Variants in ETV1 observed in about 807,000 individuals in gnomAD.
ETV1 encodes ETS variant transcription factor 1.
A neutral mutation model predicts 62.3 loss-of-function variants in ETV1; 27 were observed. That is an observed-to-expected ratio of 0.43 (90% CI 0.32 to 0.60). ETV1 has a LOEUF of 0.60. Among genes scored for constraint, ETV1 ranks in the 20% least tolerant of loss-of-function variants. The probability of loss-of-function intolerance (pLI) is 0.06; values close to 1 mark genes in which losing one functional copy is unlikely to be tolerated. For missense variants in ETV1, 605 were observed against 605.8 expected (o/e 1.00, Z 0.01); for synonymous variants, 222 against 199.6 (o/e 1.11, Z -0.94).
chr7:13,934,158 A>G (rs1477737230), intron 8 of ETV1, among the ~76,000 whole-genome samples: 1 of 152,158 alleles, frequency 6.6e-6, no homozygotes, highest in Non-Finnish European at 1.5e-5. Flanking sequence ...TTTCATCTGT[A>G]TTTACAAAAC....
chr7:13,896,958 T>C (rs1443226051), intron 13 of ETV1, among the ~76,000 whole-genome samples: 4 of 151,876 alleles, frequency 2.6e-5, no homozygotes, highest in Admixed American at 2.6e-4. Flanking sequence ...AAATACACAA[T>C]GCACAGGGAG....
intron 6 of ETV1, chr7:13,975,077 C>A (rs371393070): frequency 6.6e-6 from 1 of 152,178 alleles, no homozygotes; most frequent in East Asian, 1.9e-4. Flanking sequence ...TAGCCAGTAT[C>A]CAGACATGTC....
chr7:13,917,334 T>TTTA (rs1784293369), intron 9 of ETV1, among the ~76,000 whole-genome samples: 1 of 128,814 alleles, frequency 7.8e-6, no homozygotes, highest in Non-Finnish European at 1.7e-5. Context: ...TTATTTATTT[T>TTTA]GAGACGGAGT....
In ETV1 at chr7:13,931,590, G is replaced by C; in HGVS notation, c.714C>G (p.His238Gln). ...TGGCCGCACTGCCAACCATGGTGTT[G>C]TGTTCATACACTGGGTCGTGGTACT... ...KQEYHDPVYE[H>Q]NTMVGSAASQ... The change falls in exon 9 of 14, where the codon CAC becomes CAG. Residue 238 changes from histidine to glutamine, a missense_variant. Transcript: ENST00000430479. 2.5e-6 allele frequency: 4 copies of C among 1,614,082 alleles called. No individual in the cohort carries two copies. The highest frequency in any genetic ancestry group is 3.4e-6 in the Non-Finnish European group (4 of 1,179,912).
chr7:13,979,626 G>C (rs907975538), intron 5 of ETV1, among the ~76,000 whole-genome samples: 2 of 152,004 alleles, frequency 1.3e-5, no homozygotes, highest in African/African-American at 4.8e-5. Context: ...CATTGTTTTG[G>C]TTTTCCCTCA....
intron 10 of ETV1, 57 bp from the exon 11 acceptor site, chr7:13,909,757 T>G: frequency 7.3e-7 from 1 of 1,366,274 alleles, no homozygotes. Flanking sequence ...CACAAACACT[T>G]AAAATATAAC....
At chr7:13,931,456 G>C (rs757036639) in intron 9 of ETV1, 46 bp downstream of exon 9, 3 of 1,609,898 alleles carry the variant, frequency 1.9e-6, no homozygotes, top group Admixed American at 3.3e-5. Context: ...TGACAAGGGA[G>C]GTGAAAAAGT....
At position 13,891,573 on chromosome 7, in the gene ETV1, GT is replaced by G. The variant is rs34103922; in HGVS notation, c.*4292del. 0.046 allele frequency: 9,659 copies of G among 209,918 alleles called. 206 individuals carry two copies. Among genetic ancestry groups the G allele is most frequent in the Middle Eastern group, 0.06 (39 of 650 alleles). 13.0% of individuals were successfully genotyped at this position (209,918 alleles called of 1,614,324 possible). ...TCTTAAACTGTACTTTCCATAAACT[GT>G]TTTTTTTTTAAGTATGTCAAAGTGA... On this transcript the variant is annotated 3_prime_UTR_variant, in exon 14 of 14. Coordinates refer to ENST00000430479, the MANE Select transcript of ETV1 (RefSeq NM_004956.5).
chr7:13,961,991 G>C (rs889332930), intron 6 of ETV1, among the ~76,000 whole-genome samples: 2 of 151,968 alleles, frequency 1.3e-5, no homozygotes, highest in Non-Finnish European at 2.9e-5. Flanking sequence ...TTATTTATGA[G>C]TATGAAGAAA....
At chr7:13,971,330 T>G (rs1278799532) in intron 6 of ETV1, among the ~76,000 whole-genome samples, 3 of 152,230 alleles carry the variant, frequency 2.0e-5, no homozygotes, top group Non-Finnish European at 4.4e-5. Context: ...ATGATTTTCA[T>G]TTACTTAAAG....
intron 6 of ETV1, among the ~76,000 whole-genome samples, chr7:13,970,936 A>G (rs1780835970): frequency 6.6e-6 from 1 of 152,038 alleles, no homozygotes; most frequent in Non-Finnish European, 1.5e-5. Flanking sequence ...TTGAAAAAAA[A>G]AAGTCAAATG....
At position 13,989,644 on chromosome 7, in the gene ETV1, C is replaced by A; in HGVS notation, c.-366G>T. 2.5e-6 allele frequency: 1 copy of A among 399,046 alleles called. No homozygotes were observed. The highest frequency in any genetic ancestry group is 1.3e-4 in the South Asian group (1 of 7,836). 24.7% of individuals were successfully genotyped at this position (399,046 alleles called of 1,614,324 possible). A position where few individuals can be genotyped will look rare whatever the true frequency, so the allele number is the denominator to read the frequency against. Reference sequence around the variant, plus strand: ...CATTAATTATAGCCCAGCACTTCCCCCTTGGAAGCCGAAAGCGCCTCTGAC... The same window carrying A: ...CATTAATTATAGCCCAGCACTTCCCACTTGGAAGCCGAAAGCGCCTCTGAC... On this transcript the variant is annotated 5_prime_UTR_variant, in exon 1 of 14. Transcript: ENST00000430479.
intron 6 of ETV1, among the ~76,000 whole-genome samples, chr7:13,948,763 T>TA (rs1185929975): frequency 1.3e-5 from 2 of 152,008 alleles, no homozygotes; most frequent in South Asian, 2.1e-4. Context: ...TAGTCTATAA[T>TA]AAAAAAAGGA....
chr7:13,923,534 G>A (rs2282876), intron 9 of ETV1, among the ~76,000 whole-genome samples: 25,573 of 152,026 alleles, frequency 0.17, 2,585 homozygotes, highest in African/African-American at 0.29. Context: ...CAGTTTTAAC[G>A]TATTTAACAT....
At position 13,894,627 on chromosome 7, in the gene ETV1, C is replaced by T; in HGVS notation, c.*1239G>A. 4.3e-6 allele frequency: 1 copy of T among 232,454 alleles called. No homozygotes were observed. Among genetic ancestry groups the T allele is most frequent in the East Asian group, 6.1e-5 (1 of 16,312 alleles). The allele number at this position is 232,454 out of a possible 1,614,324, so 14.4% of individuals were successfully genotyped here. A position where few individuals can be genotyped will look rare whatever the true frequency, so the allele number is the denominator to read the frequency against. The stretch of plus-strand genomic sequence containing the variant: ...TGCTTATAGCATAGCATGGCGTAAG[C>T]TATTTTTTAAGCAATAAATGGTTTG... On this transcript the variant is annotated 3_prime_UTR_variant, in exon 14 of 14. Coordinates refer to ENST00000430479, the MANE Select transcript of ETV1 (RefSeq NM_004956.5).
rs1177230962 is a variant in ETV1 at position 13,895,880 on chromosome 7, C to A, written c.1420G>T (p.Gly474Cys). The part of the protein sequence containing the change: ...GCCNPHPYNE[G>C]YVY ...TGTCACTTGTGTTAATACACGTAGC[C>A]TTCGTTGTAGGGGTGGGGGTTGCAG... Residue 474 changes from glycine to cysteine, a missense_variant, in exon 14 of 14, where the codon GGC becomes TGC. Gly to Cys is a radical substitution (Grantham distance 159). This residue lies in a region of ETV1 where 79 missense variants were observed against 71.6 expected (regional missense o/e 1.10). Coordinates refer to ENST00000430479, the MANE Select transcript of ETV1 (RefSeq NM_004956.5). 2 of 1,613,210 alleles carry A rather than the reference C, an allele frequency of 1.2e-6. No homozygotes were observed.
chr7:13,898,865 G>C (rs532908381), intron 13 of ETV1, among the ~76,000 whole-genome samples: 1 of 152,196 alleles, frequency 6.6e-6, no homozygotes, highest in Non-Finnish European at 1.5e-5. Flanking sequence ...TGGGTGCAGT[G>C]ATGCAAACCT....
intron 13 of ETV1, among the ~76,000 whole-genome samples, chr7:13,899,892 GC>G (rs1198609180): frequency 3.3e-5 from 5 of 152,172 alleles, no homozygotes; most frequent in Non-Finnish European, 7.3e-5. Context: ...CCCCTTGGAG[GC>G]CAAGGCAGGC....
intron 5 of ETV1, among the ~76,000 whole-genome samples, chr7:13,983,013 T>A (rs901573364): frequency 9.2e-5 from 14 of 152,006 alleles, no homozygotes; most frequent in Non-Finnish European, 7.4e-5. Flanking sequence ...GACTGTTGTT[T>A]GAAGGTCACA....
Sources: allele counts gnomAD v4.1 joint callset (sites outside exome capture counted in the v4.1 genomes callset), GRCh38; gene constraint gnomAD v4.1.1; regional missense constraint gnomAD v4.1.1; transcripts MANE v1.5; gene names NCBI Gene and HGNC (gene_info 2026-07-23, HGNC 2026-07-21).